Variants in TIAM1 observed in about 807,000 individuals in gnomAD.
TIAM1 encodes the protein TIAM Rac1 associated GEF 1, also known as rho guanine nucleotide exchange factor TIAM1.
In TIAM1, 65 loss-of-function variants were observed where a neutral mutation model predicts 163.5. The observed-to-expected ratio is 0.40, with a 90% CI of 0.33 to 0.49. The LOEUF is 0.49. TIAM1 is among the 20% of genes least tolerant of loss of function. The pLI, the probability that TIAM1 is intolerant of heterozygous loss-of-function variation, is 0.77. For missense variants in TIAM1, 1,789 were observed against 2,044.7 expected, an observed-to-expected ratio of 0.87 and a Z score of 2.41; for synonymous variants, 833 against 810.1, an observed-to-expected ratio of 1.03 and a Z score of -0.48.
intron 2 of TIAM1, among the ~76,000 whole-genome samples, chr21:31,425,464 C>T (rs2147267469): frequency 6.6e-6 from 1 of 152,160 alleles, no homozygotes; most frequent in East Asian, 1.9e-4. Context: ...GGTTAGACAG[C>T]TTCTCAGACT....
intron 1 of TIAM1, among the ~76,000 whole-genome samples, chr21:31,522,352 C>CA (rs942275813): frequency 1.3e-5 from 2 of 151,032 alleles, no homozygotes; most frequent in Admixed American, 1.3e-4. Flanking sequence ...ACTAAAAATA[C>CA]AAAAAAACTC....
At position 31,329,006 on chromosome 21, in the gene TIAM1, T is replaced by C. The variant is rs375533650; in HGVS notation, c.-189+10237A>G. Among the ~76,000 whole-genome samples the C allele has an allele frequency of 2.0e-5, 3 of 152,162 alleles. No individual in the cohort carries two copies. In the South Asian group the frequency reaches 6.2e-4, roughly 32 times the overall value. On this transcript the variant is annotated intron_variant, in intron 2 of 27. Coordinates refer to ENST00000541036, the MANE Select transcript of TIAM1 (RefSeq NM_001353694.2). ...ACAGTATAACAACTATTACCTAGCA[T>C]TTATTTTGTTTTAGGTATCCGGAGA...
At chr21:31,209,789 A>T (rs897460157) in intron 11 of TIAM1, among the ~76,000 whole-genome samples, 1 of 152,250 alleles carries the variant, frequency 6.6e-6, no homozygotes, top group Admixed American at 6.5e-5. Flanking sequence ...CATGTGATAC[A>T]TGCATTAGAA....
chr21:31,163,807 A>T (rs886559182), intron 16 of TIAM1, among the ~76,000 whole-genome samples: 1 of 152,244 alleles, frequency 6.6e-6, no homozygotes, highest in African/African-American at 2.4e-5. Flanking sequence ...GATTTTGCAG[A>T]TGAGAAAACA....
chr21:31,333,952 T>C (rs974193247), intron 2 of TIAM1, among the ~76,000 whole-genome samples: 1 of 152,160 alleles, frequency 6.6e-6, no homozygotes, highest in African/African-American at 2.4e-5. Context: ...GATGTCACTC[T>C]CCTAACCTGA....
chr21:31,189,888 A>C (rs1048016364), intron 13 of TIAM1, among the ~76,000 whole-genome samples: 2 of 152,222 alleles, frequency 1.3e-5, no homozygotes, highest in Non-Finnish European at 2.9e-5. Context: ...GTTAATCAGC[A>C]AAGTCAGATC....
intron 2 of TIAM1, among the ~76,000 whole-genome samples, chr21:31,402,677 G>A (rs1055629316): frequency 1.3e-5 from 2 of 151,896 alleles, no homozygotes; most frequent in African/African-American, 2.4e-5. Context: ...CGGGCGTGGT[G>A]GCTCACGCCT....
chr21:31,291,681 C>A (rs1380441755), intron 2 of TIAM1, among the ~76,000 whole-genome samples: 1 of 152,204 alleles, frequency 6.6e-6, no homozygotes, highest in Non-Finnish European at 1.5e-5. Context: ...CGCTACAACA[C>A]CTGGCTAATT....
intron 2 of TIAM1, among the ~76,000 whole-genome samples, chr21:31,312,230 C>T (rs983131890): frequency 5.3e-5 from 8 of 152,196 alleles, no homozygotes; most frequent in Non-Finnish European, 1.0e-4. Context: ...TTCATATATA[C>T]ATCTATTCTA....
chr21:31,475,968 G>A (rs1437683204), intron 1 of TIAM1, among the ~76,000 whole-genome samples: 3 of 152,056 alleles, frequency 2.0e-5, no homozygotes, highest in Non-Finnish European at 4.4e-5. Flanking sequence ...GCCTAAAACG[G>A]CTGCCTACTG....
chr21:31,481,503 C>T (rs1235869880), intron 1 of TIAM1, among the ~76,000 whole-genome samples: 2 of 152,124 alleles, frequency 1.3e-5, no homozygotes, highest in Admixed American at 6.5e-5. Flanking sequence ...AGATTGCCCC[C>T]ATTTCAGACA....
rs762316471 is a variant in TIAM1 at position 31,210,152 on chromosome 21, G to A, written c.2281C>T (p.His761Tyr). The stretch of plus-strand genomic sequence containing the variant: ...AACCAGGATGGAGTGAAATACTCGT[G>A]GACCCAAATGTCGCAGTCAGGGTTG... ...QHNPDCDIWV[H>Y]EYFTPSWFCL... Residue 761 changes from histidine (H) to tyrosine (Y), a missense_variant, in exon 11 of 28, where the codon CAC (histidine) becomes TAC (tyrosine). By Grantham distance (83) the His-to-Tyr change is moderately conservative. Coordinates refer to ENST00000541036, the MANE Select transcript of TIAM1 (RefSeq NM_001353694.2). 2 of 1,614,152 alleles carry A rather than the reference G, an allele frequency of 1.2e-6. No homozygotes were observed. The highest frequency in any genetic ancestry group is 3.3e-5 in the Admixed American group (2 of 60,022).
At chr21:31,236,495 T>C (rs1442116865) in intron 6 of TIAM1, among the ~76,000 whole-genome samples, 1 of 151,782 alleles carries the variant, frequency 6.6e-6, no homozygotes, top group African/African-American at 2.4e-5. Context: ...GTGGATAATG[T>C]GAAGTTAAGA....
At chr21:31,209,123 G>C (rs879578643) in intron 11 of TIAM1, among the ~76,000 whole-genome samples, 1 of 152,080 alleles carries the variant, frequency 6.6e-6, no homozygotes, top group Admixed American at 6.6e-5. Flanking sequence ...GCCAGACGTG[G>C]GTTCAGTCTC....
chr21:31,396,956 A>C (rs537475835), intron 2 of TIAM1, among the ~76,000 whole-genome samples: 104 of 151,106 alleles, frequency 6.9e-4, no homozygotes, highest in East Asian at 1.4e-3. Context: ...CACACACACA[A>C]AAAAAATTTA....
chr21:31,455,014 C>T (rs1337276499), intron 2 of TIAM1, among the ~76,000 whole-genome samples: 1 of 152,088 alleles, frequency 6.6e-6, no homozygotes, highest in East Asian at 1.9e-4. Context: ...GGCACGGTGG[C>T]TCACACCTGT....
Position 31,146,982 on chromosome 21 carries a change from C to T in TIAM1, c.3388G>A (p.Gly1130Arg). 2 of 1,613,846 alleles carry T rather than the reference C, an allele frequency of 1.2e-6. No individual in the cohort carries two copies. Among genetic ancestry groups the T allele is most frequent in the South Asian group, 1.1e-5 (1 of 91,048 alleles). The part of the protein sequence containing the change: ...QFKKVLFSLG[G>R]SFLYYADRFK... ...CGGTCAGCATAATACAGGAATGATC[C>T]CCCCAGAGAGAACAGCACTTTCTGG... Residue 1130 changes from glycine to arginine, a missense_variant, in exon 20 of 28, where the codon GGA (glycine) becomes AGA (arginine). Gly to Arg is a moderately radical substitution (Grantham distance 125). Coordinates refer to ENST00000541036, the MANE Select transcript of TIAM1 (RefSeq NM_001353694.2).
chr21:31,231,405 C>A (rs994372648), intron 6 of TIAM1, among the ~76,000 whole-genome samples: 1 of 152,156 alleles, frequency 6.6e-6, no homozygotes, highest in African/African-American at 2.4e-5. Context: ...CTGATATGTT[C>A]TGTGGAACTG....
chr21:31,467,064 T>C (rs560067258), intron 1 of TIAM1, among the ~76,000 whole-genome samples: 9 of 151,568 alleles, frequency 5.9e-5, no homozygotes, highest in African/African-American at 2.2e-4. Flanking sequence ...ATTACTAAAC[T>C]ACCCTAGCAA....
Sources: allele counts gnomAD v4.1 joint callset (sites outside exome capture counted in the v4.1 genomes callset), GRCh38; gene constraint gnomAD v4.1.1; transcripts MANE v1.5; gene names NCBI Gene and HGNC (gene_info 2026-07-23, HGNC 2026-07-21).